The following WDFY4 variants were observed in gnomAD, a reference collection of about 807,000 sequenced individuals.
WDFY4 encodes the protein WDFY family member 4, also known as WD repeat- and FYVE domain-containing protein 4.
WDFY4 carries 169 observed loss-of-function variants against 351.9 expected under a neutral mutation model. That is an observed-to-expected ratio of 0.48 (90% CI 0.42 to 0.55). The LOEUF (loss-of-function observed/expected upper bound fraction) is 0.55, where lower values mean the gene tolerates loss of function less well. Among genes scored for constraint, WDFY4 ranks in the 20% least tolerant of loss-of-function variants. The pLI is 0.00. For missense variants in WDFY4, 3,803 were observed against 3,935.6 expected (o/e 0.97, Z 0.90); for synonymous variants, 1,622 against 1,574.6 (o/e 1.03, Z -0.71).
intron 51 of WDFY4, 150 bp downstream of exon 51, chr10:48,947,119 C>A (rs1589972396): frequency 2.9e-6 from 2 of 691,844 alleles, no homozygotes; most frequent in East Asian, 2.9e-5. Flanking sequence ...TTGACATTGG[C>A]TCCAGGATTC....
intron 19 of WDFY4, among the ~76,000 whole-genome samples, chr10:48,786,338 C>T (rs975650178): frequency 2.0e-5 from 3 of 152,076 alleles, no homozygotes; most frequent in Non-Finnish European, 4.4e-5. Context: ...TATTAATTTG[C>T]CAATACTAGA....
At chr10:48,848,352 G>A (rs2068846219) in intron 39 of WDFY4, among the ~76,000 whole-genome samples, 1 of 152,206 alleles carries the variant, frequency 6.6e-6, no homozygotes, top group South Asian at 2.1e-4. Flanking sequence ...TTCCAAGGTG[G>A]ATATGTCAGC....
intron 35 of WDFY4, 84 bp downstream of exon 35, chr10:48,822,621 GC>G: frequency 7.4e-7 from 1 of 1,358,122 alleles, no homozygotes; most frequent in Non-Finnish European, 9.5e-7. Flanking sequence ...CACTGGATCT[GC>G]CCTCCCTCCC....
Position 48,729,481 on chromosome 10 carries a change from C to A in WDFY4, c.1021C>A (p.Leu341Ile). Residue 341 changes from leucine (L) to isoleucine (I), a missense_variant, in exon 8 of 62, where the codon CTT becomes ATT. Leu to Ile is a conservative substitution (Grantham distance 5). Coordinates refer to ENST00000325239, the MANE Select transcript of WDFY4 (RefSeq NM_001394531.1). Reference protein sequence around the residue: ...SEVDPHLEELLGLVVWLTTCG... With the variant: ...SEVDPHLEELIGLVVWLTTCG... Reference sequence around the variant, plus strand: ...AGTGGACCCGCATCTGGAGGAGCTCCTTGGGCTGGTGGTGTGGCTGACAAC... The same window carrying A: ...AGTGGACCCGCATCTGGAGGAGCTCATTGGGCTGGTGGTGTGGCTGACAAC... 6.4e-7 allele frequency: 1 copy of A among 1,551,660 alleles called. No homozygotes were observed. Among genetic ancestry groups the A allele is most frequent in the Non-Finnish European group, 8.7e-7 (1 of 1,146,994 alleles).
rs1487237050 is a variant in WDFY4 at position 48,877,055 on chromosome 10, T to C, written c.7023T>C (p.Ala2341=). 5 of 1,506,734 alleles carry C rather than the reference T, an allele frequency of 3.3e-6. No individual in the cohort carries two copies. The highest frequency in any genetic ancestry group is 4.4e-6 in the Non-Finnish European group (5 of 1,124,860). 93.3% of individuals were successfully genotyped at this position (1,506,734 alleles called of 1,614,324 possible). ...ENQDELTLRE[A]EGEPDEVGVD... ...CAGATGAACTGACACTGAGGGAGGC[T>C]GAGGGCGAGCCGGACGAGGTGGGGG... Residue 2341 remains alanine, a synonymous_variant, in exon 43 of 62, where the codon GCT becomes GCC. Transcript: ENST00000325239.
chr10:48,780,750 A>G (rs929399668), intron 19 of WDFY4, among the ~76,000 whole-genome samples: 11 of 152,204 alleles, frequency 7.2e-5, no homozygotes, highest in South Asian at 2.1e-4. Flanking sequence ...CCGGAGGACC[A>G]TAGAAGGCAG....
intron 12 of WDFY4, among the ~76,000 whole-genome samples, chr10:48,755,069 A>G (rs1565162927): frequency 1.3e-5 from 2 of 152,128 alleles, no homozygotes; most frequent in African/African-American, 4.8e-5. Context: ...TAGCTCCCAG[A>G]TATTGCCCCA....
intron 9 of WDFY4, among the ~76,000 whole-genome samples, chr10:48,733,195 C>CT (rs1204203625): frequency 1.3e-5 from 2 of 152,160 alleles, no homozygotes; most frequent in Non-Finnish European, 2.9e-5. Context: ...AGAAATTAAA[C>CT]TTTTTTGTGA....
At chr10:48,809,338 CATCACCATCATCACCACATTA>C (rs1033674473) in intron 28 of WDFY4, among the ~76,000 whole-genome samples, 4 of 151,868 alleles carry the variant, frequency 2.6e-5, no homozygotes, top group Middle Eastern at 3.4e-3. Flanking sequence ...CCCTCACCAC[CATCACCATCATCACCACATTA>C]ATCACCATCA....
chr10:48,794,754 TAAAG>T (rs142951238), intron 23 of WDFY4, among the ~76,000 whole-genome samples: 4,088 of 152,280 alleles, frequency 0.027, 78 homozygotes, highest in Non-Finnish European at 0.041. Context: ...TAAATGCTGA[TAAAG>T]AATAGCACAA....
At chr10:48,837,285 G>C in intron 39 of WDFY4, among the ~76,000 whole-genome samples, 1 of 151,824 alleles carries the variant, frequency 6.6e-6, no homozygotes, top group Non-Finnish European at 1.5e-5. Flanking sequence ...TCTCGGGCAG[G>C]GAGAAGGCCA....
intron 13 of WDFY4, among the ~76,000 whole-genome samples, chr10:48,769,365 T>A (rs1430138034): frequency 6.6e-6 from 1 of 152,226 alleles, no homozygotes; most frequent in Non-Finnish European, 1.5e-5. Flanking sequence ...TAGGCAGTGG[T>A]AAAAGCCATA....
intron 39 of WDFY4, among the ~76,000 whole-genome samples, chr10:48,861,203 T>A (rs1274568021): frequency 1.3e-5 from 2 of 152,226 alleles, no homozygotes; most frequent in Admixed American, 6.5e-5. Context: ...TTATAATTTT[T>A]GTTTTAACCA....
intron 17 of WDFY4, 126 bp downstream of exon 17, chr10:48,777,621 C>A: frequency 1.0e-6 from 1 of 956,640 alleles, no homozygotes; most frequent in Non-Finnish European, 1.6e-6. Context: ...CATGGTGGCT[C>A]ACACCTGTAA....
chr10:48,974,795 G>C lies in WDFY4; in HGVS notation c.8929-67G>C, dbSNP rs1842494835. On this transcript the variant is annotated intron_variant, in intron 57 of 61. Transcript: ENST00000325239. ...ATCCAGCACCCAGCTTTATAGGGAGGGTGAAGAATTCCCAAAAGTAGCTGA... is the reference window on the plus strand; with the variant it reads ...ATCCAGCACCCAGCTTTATAGGGAGCGTGAAGAATTCCCAAAAGTAGCTGA... The C allele has an allele frequency of 2.1e-6, 3 of 1,430,344 alleles. No homozygotes were observed. In the South Asian group the frequency reaches 4.3e-5, roughly 21 times the overall value. 88.6% of individuals were successfully genotyped at this position (1,430,344 alleles called of 1,614,324 possible). A position where few individuals can be genotyped will look rare whatever the true frequency, so the allele number is the denominator to read the frequency against.
Position 48,828,823 on chromosome 10 carries a change from T to C in WDFY4, c.6267T>C (p.Thr2089=), listed in dbSNP as rs2068087777. 1 of 1,549,578 alleles carries C rather than the reference T, an allele frequency of 6.5e-7. No individual in the cohort carries two copies. The highest frequency in any genetic ancestry group is 1.4e-5 in the African/African-American group (1 of 72,728). Reference sequence around the variant, plus strand: ...TGGAGCCCAAGCCTAGAATGTCTACTTATCATCAAGTCTTCCTTTCCCCAA... The same window carrying C: ...TGGAGCCCAAGCCTAGAATGTCTACCTATCATCAAGTCTTCCTTTCCCCAA... ...FGLEPKPRMS[T]YHQVFLSPNE... The change falls in exon 37 of 62, where the codon ACT becomes ACC. Residue 2089 remains threonine, a synonymous_variant. Transcript: ENST00000325239.
intron 55 of WDFY4, chr10:48,967,396 G>A (rs1042726920): frequency 1.3e-5 from 2 of 152,264 alleles, no homozygotes; most frequent in African/African-American, 4.8e-5. Flanking sequence ...GTGATTTAGG[G>A]AGGGAAGAGG....
At chr10:48,845,128 A>C (rs569519035) in intron 39 of WDFY4, among the ~76,000 whole-genome samples, 1 of 152,050 alleles carries the variant, frequency 6.6e-6, no homozygotes, top group South Asian at 2.1e-4. Context: ...GGGCACAGAC[A>C]CCCCTTGGGG....
At chr10:48,751,846 G>A (rs1589521977) in intron 12 of WDFY4, among the ~76,000 whole-genome samples, 3 of 152,104 alleles carry the variant, frequency 2.0e-5, no homozygotes, top group Admixed American at 2.0e-4. Context: ...AGCTGCTGTG[G>A]GTGGCAGGAT....
Sources: gnomAD v4.1 joint callset for allele counts (sites outside exome capture counted in the v4.1 genomes callset) on GRCh38, gnomAD v4.1.1 for gene constraint, MANE v1.5 for transcripts, NCBI Gene and HGNC (gene_info 2026-07-23, HGNC 2026-07-21) for gene names.